HNF1B: variants seen among roughly 807,000 people sequenced by gnomAD.
The protein encoded by HNF1B is hepatocyte nuclear factor 1-beta.
Under a neutral mutation model 61.7 loss-of-function variants are expected in HNF1B, and 8 were observed. The ratio of observed to expected loss-of-function variants is 0.13; its 90% confidence interval spans 0.08 to 0.23. The LOEUF is 0.23. HNF1B is among the 10% of genes least tolerant of loss of function. The probability of loss-of-function intolerance (pLI) is 1.00; values close to 1 mark genes in which losing one functional copy is unlikely to be tolerated. For missense variants in HNF1B, 562 were observed against 714.5 expected, an observed-to-expected ratio of 0.79 and a Z score of 2.43; for synonymous variants, 314 against 287.7, an observed-to-expected ratio of 1.09 and a Z score of -0.93.
intron 2 of HNF1B, among the ~76,000 whole-genome samples, chr17:37,735,002 C>G (rs545674945): frequency 6.6e-6 from 1 of 152,078 alleles, no homozygotes; most frequent in South Asian, 2.1e-4. Flanking sequence ...GTTGGGCAGG[C>G]TGGTCTCAAA....
intron 8 of HNF1B, among the ~76,000 whole-genome samples, chr17:37,691,361 G>A (rs932579248): frequency 1.3e-5 from 2 of 152,186 alleles, no homozygotes; most frequent in Non-Finnish European, 2.9e-5. Flanking sequence ...TTACAGATGA[G>A]GGAAGTGTGG....
chr17:37,710,441 TTG>T, intron 5 of HNF1B, 60 bp downstream of exon 5: 1 of 1,580,012 alleles, frequency 6.3e-7, no homozygotes, highest in Non-Finnish European at 8.7e-7. Context: ...TTGTGAGAAG[TTG>T]TGTTTGTTTT....
In HNF1B at chr17:37,744,977, G is replaced by A; in HGVS notation, c.-93C>T. On this transcript the variant is annotated 5_prime_UTR_variant, in exon 1 of 9. Coordinates refer to ENST00000617811, the MANE Select transcript of HNF1B (RefSeq NM_000458.4). ...TTTCACAAGCAAACCCCAAATCCAGGAACCCCTCCACCCTTCAGCCTCCAG... is the reference window on the plus strand; with the variant it reads ...TTTCACAAGCAAACCCCAAATCCAGAAACCCCTCCACCCTTCAGCCTCCAG... 1 of 1,109,398 alleles carries A rather than the reference G, an allele frequency of 9.0e-7. No homozygotes were observed. Among genetic ancestry groups the A allele is most frequent in the South Asian group, 1.4e-5 (1 of 70,834 alleles). 68.7% of individuals were successfully genotyped at this position (1,109,398 alleles called of 1,614,324 possible).
chr17:37,715,104 A>G (rs1297473862), intron 4 of HNF1B, among the ~76,000 whole-genome samples: 1 of 152,044 alleles, frequency 6.6e-6, no homozygotes, highest in African/African-American at 2.4e-5. Context: ...CCCCCCTGTG[A>G]AGCTCTTCTT....
chr17:37,731,327 G>T, intron 4 of HNF1B: 4 of 597,996 alleles, frequency 6.7e-6, no homozygotes, highest in South Asian at 3.9e-5. Context: ...AGCCACACAG[G>T]GAGAAGAAGA....
intron 2 of HNF1B, among the ~76,000 whole-genome samples, chr17:37,735,728 T>C (rs545809858): frequency 4.6e-5 from 7 of 152,278 alleles, no homozygotes; most frequent in African/African-American, 1.7e-4. Context: ...GTCAGGATGA[T>C]AGTGATGTTG....
intron 6 of HNF1B, among the ~76,000 whole-genome samples, chr17:37,702,154 T>TG (rs1342170550): frequency 1.3e-5 from 2 of 151,950 alleles, no homozygotes; most frequent in African/African-American, 4.8e-5. Flanking sequence ...TCTGGGAAGT[T>TG]GGGGGAAGAA....
chr17:37,711,860 G>A (rs1279193849), intron 4 of HNF1B, among the ~76,000 whole-genome samples: 1 of 152,158 alleles, frequency 6.6e-6, no homozygotes, highest in Non-Finnish European at 1.5e-5. Flanking sequence ...TTCTGTTGTT[G>A]CTCTTTCATC....
intron 5 of HNF1B, among the ~76,000 whole-genome samples, chr17:37,709,353 G>A (rs2032857475): frequency 6.6e-6 from 1 of 152,136 alleles, no homozygotes; most frequent in Non-Finnish European, 1.5e-5. Context: ...AGGCTCAAGT[G>A]AGCTCCCCAC....
chr17:37,732,398 C>G (rs749756543), intron 3 of HNF1B, among the ~76,000 whole-genome samples: 1 of 152,132 alleles, frequency 6.6e-6, no homozygotes, highest in African/African-American at 2.4e-5. Context: ...AAACCAGGTG[C>G]GAGAGATTCT....
At chr17:37,733,463 G>T (rs187340438) in intron 3 of HNF1B, 94 bp downstream of exon 3, 1 of 1,396,030 alleles carries the variant, frequency 7.2e-7, no homozygotes. Context: ...ACACTTATCT[G>T]TATAACTAGT....
In HNF1B at chr17:37,705,003, T is replaced by G; in HGVS notation, c.1253A>C (p.Asn418Thr). The change falls in exon 6 of 9, where the codon AAT (asparagine) becomes ACT (threonine). Residue 418 changes from asparagine (N) to threonine (T), a missense_variant. Transcript: ENST00000617811. ...ATTATGGTGGGAGAGGCTGTGGATA[T>G]TCGTCAAGGTGCTGACTGGGGGCAA... is the stretch of plus-strand genomic sequence containing the variant. ...GGLPPVSTLTNIHSLSHHNPQ... is the reference protein window; with the variant it reads ...GGLPPVSTLTTIHSLSHHNPQ... The G allele has an allele frequency of 1.9e-6, 3 of 1,614,080 alleles. No individual in the cohort carries two copies. Among genetic ancestry groups the G allele is most frequent in the Non-Finnish European group, 2.5e-6 (3 of 1,179,960 alleles).
At chr17:37,688,697 C>T (rs141286867) in intron 8 of HNF1B, among the ~76,000 whole-genome samples, 4 of 152,304 alleles carry the variant, frequency 2.6e-5, no homozygotes, top group African/African-American at 9.6e-5. Flanking sequence ...AAGTTACTCT[C>T]TCTGTGCCTC....
chr17:37,702,294 G>A (rs3094509), intron 6 of HNF1B, among the ~76,000 whole-genome samples: 71,711 of 151,954 alleles, frequency 0.47, 18,526 homozygotes, highest in African/African-American at 0.7. Flanking sequence ...GAGATAACAC[G>A]GAGTCCTCAA....
At chr17:37,740,003 T>G (rs1165229686) in intron 1 of HNF1B, among the ~76,000 whole-genome samples, 1 of 151,964 alleles carries the variant, frequency 6.6e-6, no homozygotes, top group Non-Finnish European at 1.5e-5. Flanking sequence ...GTTTTGCTCT[T>G]GTCACCCAGG....
At chr17:37,721,914 G>A (rs532093555) in intron 4 of HNF1B, among the ~76,000 whole-genome samples, 22 of 152,218 alleles carry the variant, frequency 1.4e-4, no homozygotes, top group African/African-American at 5.3e-4. Flanking sequence ...GGGTTCAAGT[G>A]ACCCTGCTAC....
In HNF1B at chr17:37,687,185, T is replaced by A; in HGVS notation, c.*187A>T. 1 of 867,092 alleles carries A rather than the reference T, an allele frequency of 1.2e-6. No individual in the cohort carries two copies. Among genetic ancestry groups the A allele is most frequent in the East Asian group, 2.6e-5 (1 of 37,988 alleles). The allele number at this position is 867,092 out of a possible 1,614,324, so 53.7% of individuals were successfully genotyped here. On this transcript the variant is annotated 3_prime_UTR_variant, in exon 9 of 9. Transcript: ENST00000617811. The stretch of plus-strand genomic sequence containing the variant: ...TGGCAATACTGCATAGAAGGGAAAC[T>A]GGGCTTCGGGCTGCGCCTCCTGAGA...
chr17:37,692,523 G>GT (rs1370242213), intron 8 of HNF1B, among the ~76,000 whole-genome samples: 1 of 152,204 alleles, frequency 6.6e-6, no homozygotes, highest in African/African-American at 2.4e-5. Flanking sequence ...GGGTAAGAGG[G>GT]TTCTCCAGGA....
intron 3 of HNF1B, among the ~76,000 whole-genome samples, chr17:37,733,134 G>A (rs2147551185): frequency 6.6e-6 from 1 of 152,280 alleles, no homozygotes; most frequent in African/African-American, 2.4e-5. Context: ...GTGGCTAAGG[G>A]AAAGTTTTAC....
Sources: gnomAD v4.1 joint callset for allele counts (sites outside exome capture counted in the v4.1 genomes callset) on GRCh38, gnomAD v4.1.1 for gene constraint, MANE v1.5 for transcripts, NCBI Gene and HGNC (gene_info 2026-07-23, HGNC 2026-07-21) for gene names.